The following KCNH1 variants were observed in gnomAD, a reference collection of about 807,000 sequenced individuals.
KCNH1 encodes the protein voltage-gated delayed rectifier potassium channel KCNH1.
A neutral mutation model predicts 69.2 loss-of-function variants in KCNH1; 27 were observed. The observed-to-expected ratio is 0.39, with a 90% CI of 0.29 to 0.54. The LOEUF (loss-of-function observed/expected upper bound fraction) is 0.54. Among genes scored for constraint, KCNH1 ranks in the 20% least tolerant of loss-of-function variants. The pLI is 0.68. For missense variants in KCNH1, 798 were observed against 1,261.6 expected, an observed-to-expected ratio of 0.63 and a Z score of 5.57; for synonymous variants, 456 against 487.7, an observed-to-expected ratio of 0.93 and a Z score of 0.86.
intron 1 of KCNH1, among the ~76,000 whole-genome samples, chr1:211,120,917 G>C (rs914153714): frequency 6.6e-6 from 1 of 152,028 alleles, no homozygotes; most frequent in Non-Finnish European, 1.5e-5. Context: ...AATCATGAAC[G>C]AACTCCCATT....
chr1:210,902,549 G>A (rs994480356), intron 7 of KCNH1, among the ~76,000 whole-genome samples: 4 of 152,154 alleles, frequency 2.6e-5, no homozygotes, highest in East Asian at 1.9e-4. Context: ...CGGGCAGCCC[G>A]TCTGTTTCCC....
intron 7 of KCNH1, among the ~76,000 whole-genome samples, chr1:210,816,370 C>T (rs765072265): frequency 4.6e-5 from 7 of 152,210 alleles, no homozygotes; most frequent in Non-Finnish European, 1.0e-4. Flanking sequence ...ACAGCTCCTG[C>T]TCCACGGTAA....
chr1:210,811,567 C>T (rs1414786084), intron 7 of KCNH1, among the ~76,000 whole-genome samples: 1 of 152,086 alleles, frequency 6.6e-6, no homozygotes, highest in Non-Finnish European at 1.5e-5. Context: ...CTCCTCTTTG[C>T]TGTTGCTTTT....
intron 10 of KCNH1, among the ~76,000 whole-genome samples, chr1:210,720,677 G>C (rs1184466841): frequency 6.6e-6 from 1 of 152,040 alleles, no homozygotes; most frequent in Non-Finnish European, 1.5e-5. Context: ...AATGATGTGT[G>C]CCATTAATCA....
intron 10 of KCNH1, among the ~76,000 whole-genome samples, chr1:210,698,587 G>A (rs1316200126): frequency 6.6e-6 from 1 of 152,222 alleles, no homozygotes; most frequent in Non-Finnish European, 1.5e-5. Context: ...AAAGAAATGA[G>A]CCTTTATGTA....
chr1:210,866,893 G>A (rs377261598), intron 7 of KCNH1, among the ~76,000 whole-genome samples: 1 of 151,520 alleles, frequency 6.6e-6, no homozygotes, highest in East Asian at 1.9e-4. Flanking sequence ...AGATGAATTA[G>A]ATGTGGTATA....
At chr1:210,845,445 A>C (rs1685520211) in intron 7 of KCNH1, among the ~76,000 whole-genome samples, 1 of 152,112 alleles carries the variant, frequency 6.6e-6, no homozygotes, top group South Asian at 2.1e-4. Context: ...AATAAATGTA[A>C]TCCAGCATAT....
At chr1:211,121,237 A>C (rs1283461309) in intron 1 of KCNH1, among the ~76,000 whole-genome samples, 1 of 152,232 alleles carries the variant, frequency 6.6e-6, no homozygotes, top group African/African-American at 2.4e-5. Context: ...TCCTAAGCAA[A>C]AAGAACAAAA....
intron 10 of KCNH1, among the ~76,000 whole-genome samples, chr1:210,754,639 C>G (rs1404093569): frequency 6.6e-6 from 1 of 151,932 alleles, no homozygotes; most frequent in African/African-American, 2.4e-5. Flanking sequence ...CTGCTTTTAC[C>G]GTGTGACGTG....
chr1:210,896,205 GT>G (rs1385461083), intron 7 of KCNH1, among the ~76,000 whole-genome samples: 1 of 152,088 alleles, frequency 6.6e-6, no homozygotes, highest in Non-Finnish European at 1.5e-5. Context: ...GTATGAGTTG[GT>G]TTTCCTAGTC....
chr1:210,738,436 G>A (rs115808692), intron 10 of KCNH1, among the ~76,000 whole-genome samples: 2,723 of 151,960 alleles, frequency 0.018, 29 homozygotes, highest in Non-Finnish European at 0.028. Flanking sequence ...TAGGAAAATC[G>A]ATGTTCTCTT....
chr1:210,848,856 A>C (rs1445422631), intron 7 of KCNH1, among the ~76,000 whole-genome samples: 2 of 152,190 alleles, frequency 1.3e-5, no homozygotes, highest in African/African-American at 4.8e-5. Flanking sequence ...CCTTAATTGC[A>C]TGTGTGGCAG....
intron 5 of KCNH1, among the ~76,000 whole-genome samples, chr1:211,028,159 T>C (rs570211171): frequency 3.9e-5 from 6 of 152,044 alleles, no homozygotes; most frequent in Non-Finnish European, 5.9e-5. Context: ...GGAATCACAC[T>C]AGAAACCAAT....
chr1:210,731,053 A>G (rs1477601669), intron 10 of KCNH1, among the ~76,000 whole-genome samples: 1 of 152,222 alleles, frequency 6.6e-6, no homozygotes, highest in African/African-American at 2.4e-5. Flanking sequence ...AAAGGGGCCA[A>G]GTGATCAGAG....
chr1:211,054,149 G>A (rs1690260762), intron 5 of KCNH1, among the ~76,000 whole-genome samples: 1 of 151,970 alleles, frequency 6.6e-6, no homozygotes, highest in African/African-American at 2.4e-5. Context: ...GGGCGTGGTG[G>A]TGCATACCTG....
chr1:210,955,039 C>A (rs184170202), intron 6 of KCNH1, among the ~76,000 whole-genome samples: 1 of 152,188 alleles, frequency 6.6e-6, no homozygotes, highest in African/African-American at 2.4e-5. Context: ...TTTTAGGTCT[C>A]ACATTTAAGA....
At chr1:210,981,866 A>G (rs1340124517) in intron 6 of KCNH1, among the ~76,000 whole-genome samples, 1 of 152,164 alleles carries the variant, frequency 6.6e-6, no homozygotes, top group Non-Finnish European at 1.5e-5. Flanking sequence ...CTTTCAAGGC[A>G]GGGTAAAGAG....
At chr1:210,777,570 T>C (rs1683886265) in intron 9 of KCNH1, among the ~76,000 whole-genome samples, 1 of 152,210 alleles carries the variant, frequency 6.6e-6, no homozygotes, top group Non-Finnish European at 1.5e-5. Flanking sequence ...GGCTCATTTA[T>C]TGTGTACTCC....
rs11445997 is a variant in KCNH1 at position 210,853,946 on chromosome 1, C to CAAAAAAAAAAAAAAAAAAAA, written c.1463-49800_1463-49781dup. 6.7e-4 allele frequency among the ~76,000 whole-genome samples: 41 copies of CAAAAAAAAAAAAAAAAAAAA among 61,516 alleles called. 6 individuals are homozygous for CAAAAAAAAAAAAAAAAAAAA. The highest frequency in any genetic ancestry group is 1.7e-3 in the African/African-American group (23 of 13,464). 40.4% of individuals were successfully genotyped at this position (61,516 alleles called of 152,430 possible). On this transcript the variant is annotated intron_variant, in intron 7 of 10. Coordinates refer to ENST00000271751, the MANE Select transcript of KCNH1 (RefSeq NM_172362.3). Reference sequence around the variant, plus strand: ...TAGCAGTAAAAGCATTTATCTAAGCCAAAAAAAAAAAAAAAAAAAAAAGAA... The same window carrying CAAAAAAAAAAAAAAAAAAAA: ...TAGCAGTAAAAGCATTTATCTAAGCCAAAAAAAAAAAAAAAAAAAAAAAAAAAAAAAAAAAAAAAAAAGAA...
Sources: gnomAD v4.1 joint callset for allele counts (sites outside exome capture counted in the v4.1 genomes callset) on GRCh38, gnomAD v4.1.1 for gene constraint, MANE v1.5 for transcripts, NCBI Gene and HGNC (gene_info 2026-07-23, HGNC 2026-07-21) for gene names.